Variants in IGF2BP1 observed in about 807,000 individuals in gnomAD.
IGF2BP1 encodes insulin like growth factor 2 mRNA binding protein 1, also known as insulin-like growth factor 2 mRNA-binding protein 1.
IGF2BP1 carries 11 observed loss-of-function variants against 74.9 expected under a neutral mutation model. That is an observed-to-expected ratio of 0.15 (90% CI 0.09 to 0.24). IGF2BP1 has a LOEUF of 0.24. Ranked by LOEUF, IGF2BP1 falls within the 10% of genes least tolerant of loss-of-function variation. IGF2BP1 has a pLI of 1.00. For synonymous variants in IGF2BP1, 287 were observed against 281.8 expected, an observed-to-expected ratio of 1.02 and a Z score of -0.18; for missense variants, 440 against 757.4, an observed-to-expected ratio of 0.58 and a Z score of 4.92.
Position 49,049,483 on chromosome 17 carries a change from G to T in IGF2BP1, c.*39G>T, listed in dbSNP as rs576856721. 2.6e-6 allele frequency: 4 copies of T among 1,567,870 alleles called. No individual in the cohort carries two copies. The Admixed American group carries it at 5.0e-5, about 20-fold the overall frequency. ...GTCCCTTCGAGTCCAGGACAACAACGGGCAGAAATCGAGAGTGTGCTCTCC... is the reference window on the plus strand; with the variant it reads ...GTCCCTTCGAGTCCAGGACAACAACTGGCAGAAATCGAGAGTGTGCTCTCC... On this transcript the variant is annotated 3_prime_UTR_variant, in exon 15 of 15. Transcript: ENST00000290341.
intron 2 of IGF2BP1, among the ~76,000 whole-genome samples, chr17:49,000,948 A>G (rs2041482147): frequency 6.6e-6 from 1 of 151,522 alleles, no homozygotes; most frequent in Admixed American, 6.6e-5. Context: ...GGTAAAAAAA[A>G]AAAATCTGTC....
chr17:49,046,399 G>A (rs1567828771), intron 14 of IGF2BP1, 26 bp downstream of exon 14: 4 of 1,559,520 alleles, frequency 2.6e-6, no homozygotes, highest in Non-Finnish European at 3.5e-6. Flanking sequence ...CCCCATTGAG[G>A]GAGGGCTGCA....
At chr17:49,000,340 A>G (rs548185253) in intron 2 of IGF2BP1, among the ~76,000 whole-genome samples, 26 of 152,286 alleles carry the variant, frequency 1.7e-4, no homozygotes, top group African/African-American at 5.3e-4. Context: ...GTTTAATGTG[A>G]GATAAAAATC....
At chr17:49,027,364 T>C (rs1463714180) in intron 4 of IGF2BP1, among the ~76,000 whole-genome samples, 1 of 152,222 alleles carries the variant, frequency 6.6e-6, no homozygotes, top group Non-Finnish European at 1.5e-5. Context: ...AAAAGCTTCG[T>C]GTTTCTTGCT....
intron 2 of IGF2BP1, chr17:49,017,904 A>C (rs2041727308): frequency 6.6e-6 from 1 of 151,860 alleles, no homozygotes; most frequent in South Asian, 2.1e-4. Context: ...CTGGGATTAC[A>C]GGCATGCACC....
intron 3 of IGF2BP1, among the ~76,000 whole-genome samples, chr17:49,026,070 G>A (rs563453147): frequency 2.0e-5 from 3 of 151,948 alleles, no homozygotes; most frequent in Non-Finnish European, 4.4e-5. Context: ...GATCAGGCTG[G>A]TCTCAAACGC....
rs116865269 is a variant in IGF2BP1 at position 49,029,446 on chromosome 17, A to T, written c.338-2464A>T. Among the ~76,000 whole-genome samples the T allele has an allele frequency of 0.011, 1,730 of 152,100 alleles. 62 individuals carry two copies. In the East Asian group the frequency reaches 0.12, roughly 11 times the overall value. On this transcript the variant is annotated intron_variant, in intron 4 of 14. Coordinates refer to ENST00000290341, the MANE Select transcript of IGF2BP1 (RefSeq NM_006546.4). The stretch of plus-strand genomic sequence containing the variant: ...CAGTGAACTCTGATTACGCCACTGT[A>T]CTCCAGCCTGGATGACAGATTCTTT...
chr17:49,015,219 C>T (rs1216550055), intron 2 of IGF2BP1, among the ~76,000 whole-genome samples: 1 of 152,202 alleles, frequency 6.6e-6, no homozygotes, highest in Non-Finnish European at 1.5e-5. Context: ...ATGATCCTCC[C>T]GCTTCTGCTT....
chr17:49,043,392 G>A, intron 9 of IGF2BP1, 36 bp from the exon 10 acceptor site: 1 of 1,611,272 alleles, frequency 6.2e-7, no homozygotes, highest in Non-Finnish European at 8.5e-7. Flanking sequence ...CCCTGTCAGG[G>A]TGTGCTGACT....
In IGF2BP1 at chr17:49,055,781, G is replaced by T. The variant is rs535266209; in HGVS notation, c.*6337G>T. 7.8e-6 allele frequency: 3 copies of T among 382,854 alleles called. No individual in the cohort carries two copies. Among genetic ancestry groups the T allele is most frequent in the Non-Finnish European group, 1.4e-5 (3 of 217,224 alleles). 23.7% of individuals were successfully genotyped at this position (382,854 alleles called of 1,614,324 possible). On this transcript the variant is annotated 3_prime_UTR_variant, in exon 15 of 15. Transcript: ENST00000290341. ...ACATCACTTACTCAGAAGAGGGAAC[G>T]ATGTATTTTGATGAGTGCAAATTGG...
rs182266742 is a variant in IGF2BP1 at position 49,039,458 on chromosome 17, C to T, written c.684-499C>T. Among the ~76,000 whole-genome samples, 389 of 151,872 alleles carry T rather than the reference C, an allele frequency of 2.6e-3. 2 individuals carry two copies. Among genetic ancestry groups the T allele is most frequent in the African/African-American group, 8.8e-3 (362 of 41,352 alleles). On this transcript the variant is annotated intron_variant, in intron 6 of 14. Transcript: ENST00000290341. ...TATTTTATTTTTTGAGGCAGAGTCT[C>T]ACTGCGTCACCCAGGCTGGAGTGTA...
chr17:49,055,593 A>G lies in IGF2BP1; in HGVS notation c.*6149A>G, dbSNP rs1408176027. ...CCACTGCTATGTAAAAGCACGTTCAAAATGAATTTCAGCAGATTATGTGTT... is the reference window on the plus strand; with the variant it reads ...CCACTGCTATGTAAAAGCACGTTCAGAATGAATTTCAGCAGATTATGTGTT... On this transcript the variant is annotated 3_prime_UTR_variant, in exon 15 of 15. Coordinates refer to ENST00000290341, the MANE Select transcript of IGF2BP1 (RefSeq NM_006546.4). The G allele has an allele frequency of 2.5e-6, 1 of 398,600 alleles. No homozygotes were observed. Among genetic ancestry groups the G allele is most frequent in the Middle Eastern group, 6.3e-4 (1 of 1,588 alleles). 24.7% of individuals were successfully genotyped at this position (398,600 alleles called of 1,614,324 possible). A position where few individuals can be genotyped will look rare whatever the true frequency, so the allele number is the denominator to read the frequency against.
At chr17:49,027,574 C>T (rs1311708087) in intron 4 of IGF2BP1, among the ~76,000 whole-genome samples, 2 of 152,046 alleles carry the variant, frequency 1.3e-5, no homozygotes, top group Admixed American at 6.5e-5. Flanking sequence ...GTTTGCCAGC[C>T]GGGCGCGGTG....
chr17:49,026,671 T>TCCTG (rs1463770705), intron 4 of IGF2BP1, among the ~76,000 whole-genome samples, 154 bp downstream of exon 4: 6 of 134,460 alleles, frequency 4.5e-5, no homozygotes, highest in African/African-American at 8.6e-5. Flanking sequence ...CTTCCTGCCT[T>TCCTG]CCTTCCTGCC....
At chr17:49,042,181 T>C in intron 8 of IGF2BP1, 61 bp from the exon 9 acceptor site, 4 of 1,606,540 alleles carry the variant, frequency 2.5e-6, no homozygotes, top group Non-Finnish European at 3.4e-6. Flanking sequence ...TCGTCTTTGT[T>C]ACTGCCGGGG....
rs2042053597 is a variant in IGF2BP1, at chr17:49,041,606, CCTT to C, written c.941+109_941+111del. On this transcript the variant is annotated intron_variant, in intron 8 of 14. Coordinates refer to ENST00000290341, the MANE Select transcript of IGF2BP1 (RefSeq NM_006546.4). ...TATGTGCTCTTTTAAAATGGGTGCT[CCTT>C]CTGCCTCTTGAAGAAAAACAGTCGA... 14 of 1,424,090 alleles carry C rather than the reference CCTT, an allele frequency of 9.8e-6. No individual in the cohort carries two copies. In the South Asian group the frequency reaches 1.5e-4, roughly 16 times the overall value. The allele number at this position is 1,424,090 out of a possible 1,614,324, so 88.2% of individuals were successfully genotyped here. A position where few individuals can be genotyped will look rare whatever the true frequency, so the allele number is the denominator to read the frequency against.
intron 2 of IGF2BP1, among the ~76,000 whole-genome samples, chr17:49,005,608 CAGG>C (rs1050579731): frequency 2.0e-4 from 31 of 152,170 alleles, no homozygotes; most frequent in African/African-American, 7.0e-4. Flanking sequence ...ATAGAGGAGG[CAGG>C]AGAAGAGGGG....
rs986143557 is a variant in IGF2BP1, at chr17:49,042,121, A to G, written c.942-121A>G. The G allele has an allele frequency of 2.7e-5, 36 of 1,322,834 alleles. No individual in the cohort carries two copies. The Middle Eastern group carries it at 1.3e-3, about 49-fold the overall frequency. The allele number at this position is 1,322,834 out of a possible 1,614,324, so 81.9% of individuals were successfully genotyped here. ...GACTGGGGTTGCAGAGTTATTTGCC[A>G]GAAGTTGAATAGGCTGCAGAAATGG... On this transcript the variant is annotated intron_variant, in intron 8 of 14. Coordinates refer to ENST00000290341, the MANE Select transcript of IGF2BP1 (RefSeq NM_006546.4).
chr17:49,038,528 T>C, intron 6 of IGF2BP1, 79 bp downstream of exon 6: 2 of 1,329,894 alleles, frequency 1.5e-6, no homozygotes, highest in South Asian at 1.8e-5. Context: ...CCTGGAAGCA[T>C]GCTGGAGACA....
Sources: gnomAD v4.1 joint callset for allele counts (sites outside exome capture counted in the v4.1 genomes callset) on GRCh38, gnomAD v4.1.1 for gene constraint, MANE v1.5 for transcripts, NCBI Gene and HGNC (gene_info 2026-07-23, HGNC 2026-07-21) for gene names.